Variants in RNF150 observed in about 807,000 individuals in gnomAD.
The protein encoded by RNF150 is ring finger protein 150.
RNF150 carries 24 observed loss-of-function variants against 39.3 expected under a neutral mutation model. The ratio of observed to expected loss-of-function variants is 0.61; its 90% confidence interval spans 0.44 to 0.86. The LOEUF is 0.86. Ranked by LOEUF, RNF150 falls within the 40% of genes least tolerant of loss-of-function variation. The pLI is 0.00. For synonymous variants in RNF150, 255 were observed against 227.3 expected, an observed-to-expected ratio of 1.12 and a Z score of -1.10; for missense variants, 502 against 587.8, an observed-to-expected ratio of 0.85 and a Z score of 1.51.
At chr4:140,991,514 G>A (rs1192086880) in intron 1 of RNF150, among the ~76,000 whole-genome samples, 2 of 152,002 alleles carry the variant, frequency 1.3e-5, no homozygotes, top group Admixed American at 1.3e-4. Context: ...TCTATCTTGA[G>A]TTAATTTTTG....
intron 6 of RNF150, among the ~76,000 whole-genome samples, chr4:140,908,498 T>C (rs1262892226): frequency 6.6e-6 from 1 of 152,192 alleles, no homozygotes; most frequent in East Asian, 1.9e-4. Context: ...GTCATATCAC[T>C]CTTATTTCTT....
chr4:141,030,121 G>C (rs1735877546), intron 1 of RNF150, among the ~76,000 whole-genome samples: 1 of 151,934 alleles, frequency 6.6e-6, no homozygotes, highest in Admixed American at 6.6e-5. Flanking sequence ...GGGAACCCAG[G>C]AGGCAGAGCT....
At chr4:141,068,028 C>T (rs1183916201) in intron 1 of RNF150, among the ~76,000 whole-genome samples, 1 of 151,902 alleles carries the variant, frequency 6.6e-6, no homozygotes, top group East Asian at 1.9e-4. Context: ...TCACTGCAAC[C>T]TCTGCCTCCC....
chr4:141,157,380 G>T (rs3910326), intron 1 of RNF150, among the ~76,000 whole-genome samples: 83,862 of 151,994 alleles, frequency 0.55, 23,758 homozygotes, highest in East Asian at 0.82. Context: ...CAATCCCTCA[G>T]AAGAAGAGTA....
intron 4 of RNF150, among the ~76,000 whole-genome samples, chr4:140,941,202 G>T (rs1314185307): frequency 1.3e-5 from 2 of 152,178 alleles, no homozygotes; most frequent in Non-Finnish European, 2.9e-5. Context: ...CCAGAACAGA[G>T]TTGAGTATCT....
At chr4:140,906,141 G>A (rs1233903117) in intron 6 of RNF150, among the ~76,000 whole-genome samples, 1 of 152,076 alleles carries the variant, frequency 6.6e-6, no homozygotes, top group Non-Finnish European at 1.5e-5. Flanking sequence ...CTAAAAGTAG[G>A]TAGAAAAATC....
At chr4:140,976,445 C>T (rs745887547) in intron 1 of RNF150, among the ~76,000 whole-genome samples, 3 of 151,944 alleles carry the variant, frequency 2.0e-5, no homozygotes, top group Non-Finnish European at 4.4e-5. Flanking sequence ...AGTACTCGAG[C>T]CTGTCCATTG....
intron 1 of RNF150, among the ~76,000 whole-genome samples, chr4:141,013,586 C>T (rs1463212453): frequency 6.6e-6 from 1 of 152,204 alleles, no homozygotes; most frequent in Non-Finnish European, 1.5e-5. Flanking sequence ...CAAATATTTG[C>T]TCTTTCTTCA....
chr4:141,052,933 T>C (rs1256646391), intron 1 of RNF150, among the ~76,000 whole-genome samples: 2 of 152,186 alleles, frequency 1.3e-5, no homozygotes, highest in African/African-American at 4.8e-5. Context: ...TGGTGGATCA[T>C]TTTTGAGTCT....
intron 1 of RNF150, among the ~76,000 whole-genome samples, chr4:141,016,258 C>T (rs549137020): frequency 1.4e-4 from 22 of 152,274 alleles, no homozygotes; most frequent in African/African-American, 5.3e-4. Context: ...GCAGACAGGA[C>T]TGGACTCTGG....
intron 1 of RNF150, among the ~76,000 whole-genome samples, chr4:141,010,645 A>T (rs1735041513): frequency 6.6e-6 from 1 of 151,750 alleles, no homozygotes; most frequent in Non-Finnish European, 1.5e-5. Flanking sequence ...TCTCTTTCCA[A>T]CCCTGATCGT....
chr4:140,987,471 T>C (rs1231744150), intron 1 of RNF150, among the ~76,000 whole-genome samples: 2 of 151,974 alleles, frequency 1.3e-5, no homozygotes, highest in South Asian at 2.1e-4. Flanking sequence ...TGCACACCTA[T>C]TGCCATCTAT....
At chr4:140,950,786 T>C (rs1578996786) in intron 2 of RNF150, among the ~76,000 whole-genome samples, 1 of 152,368 alleles carries the variant, frequency 6.6e-6, no homozygotes, top group East Asian at 1.9e-4. Context: ...AGGAGATGTT[T>C]TCCTTGTTAA....
At chr4:141,109,159 ACC>A (rs1315195830) in intron 1 of RNF150, among the ~76,000 whole-genome samples, 1 of 152,120 alleles carries the variant, frequency 6.6e-6, no homozygotes, top group African/African-American at 2.4e-5. Context: ...TTTGCTATTT[ACC>A]CCCAGCCCAA....
intron 1 of RNF150, among the ~76,000 whole-genome samples, chr4:141,096,195 T>TC (rs1257156066): frequency 9.0e-6 from 1 of 110,912 alleles, no homozygotes; most frequent in African/African-American, 3.0e-5. Flanking sequence ...GCTTTCTTTT[T>TC]TTTTTTTTTT....
chr4:140,962,036 A>T (rs1733046856), intron 2 of RNF150, among the ~76,000 whole-genome samples: 1 of 150,742 alleles, frequency 6.6e-6, no homozygotes, highest in Admixed American at 6.7e-5. Context: ...TTCTAATATC[A>T]TCGTCTGATT....
At chr4:140,997,708 A>ACACATATATGTGTGTGTATATATACACG in intron 1 of RNF150, among the ~76,000 whole-genome samples, 1 of 149,998 alleles carries the variant, frequency 6.7e-6, no homozygotes, top group East Asian at 1.9e-4. Flanking sequence ...ATATATACAC[A>ACACATATATGTGTGTGTATATATACACG]CACATATATG....
chr4:140,994,075 C>G (rs753849597), intron 1 of RNF150, among the ~76,000 whole-genome samples: 2 of 152,194 alleles, frequency 1.3e-5, no homozygotes, highest in Non-Finnish European at 2.9e-5. Flanking sequence ...CAACTTAACT[C>G]CCTCTAGACC....
intron 1 of RNF150, among the ~76,000 whole-genome samples, chr4:141,050,987 G>A (rs1736755935): frequency 6.6e-6 from 1 of 152,134 alleles, no homozygotes; most frequent in South Asian, 2.1e-4. Flanking sequence ...CTTCTGCCTG[G>A]GCATCCAGGT....
Sources: allele counts gnomAD v4.1 joint callset (sites outside exome capture counted in the v4.1 genomes callset), GRCh38; gene constraint gnomAD v4.1.1; transcripts MANE v1.5; gene names NCBI Gene and HGNC (gene_info 2026-07-23, HGNC 2026-07-21).